The following TTC23L variants were observed in gnomAD, a reference collection of about 807,000 sequenced individuals.
TTC23L encodes tetratricopeptide repeat domain 23 like, also known as tetratricopeptide repeat protein 23-like.
Under a neutral mutation model 48.1 loss-of-function variants are expected in TTC23L, and 42 were observed. The ratio of observed to expected loss-of-function variants is 0.87; its 90% CI spans 0.68 to 1.13. The LOEUF is 1.13. Ranked by LOEUF, TTC23L falls within the 50% of genes most tolerant of loss-of-function variation. The pLI, the probability that TTC23L is intolerant of heterozygous loss-of-function variation, is 0.00. For synonymous variants in TTC23L, 159 were observed against 157.2 expected (o/e 1.01, Z -0.09); for missense variants, 391 against 421.0 (o/e 0.93, Z 0.62).
At chr5:34,856,526 A>T (rs1420129289) in intron 4 of TTC23L, among the ~76,000 whole-genome samples, 1 of 152,198 alleles carries the variant, frequency 6.6e-6, no homozygotes, top group African/African-American at 2.4e-5. Context: ...ATAAGCATGG[A>T]GGAATGTTTG....
intron 9 of TTC23L, among the ~76,000 whole-genome samples, chr5:34,896,540 C>G (rs1431295871): frequency 6.6e-6 from 1 of 152,124 alleles, no homozygotes; most frequent in African/African-American, 2.4e-5. Context: ...ATTTTTTGAG[C>G]ACCTACTAAG....
At chr5:34,897,182 C>T (rs914301831) in intron 10 of TTC23L, among the ~76,000 whole-genome samples, 8 of 151,958 alleles carry the variant, frequency 5.3e-5, no homozygotes, top group Non-Finnish European at 1.0e-4. Flanking sequence ...CTCAGGAGTT[C>T]GAGACCAGCC....
chr5:34,847,033 C>T (rs1025995750), intron 3 of TTC23L, among the ~76,000 whole-genome samples: 3 of 152,140 alleles, frequency 2.0e-5, no homozygotes, highest in Non-Finnish European at 2.9e-5. Context: ...ATTATTAGAA[C>T]ACAGGCACCA....
chr5:34,896,801 G>A (rs751346540), exon 10 of TTC23L: 1 of 760,602 alleles, frequency 1.3e-6, no homozygotes. Flanking sequence ...ATGGAGAAGA[G>A]AAGCCATTCC....
intron 9 of TTC23L, among the ~76,000 whole-genome samples, chr5:34,893,040 G>A (rs951001544): frequency 6.6e-6 from 1 of 152,106 alleles, no homozygotes; most frequent in Non-Finnish European, 1.5e-5. Context: ...AGTGGGGAGA[G>A]CAGTTAGGAG....
At chr5:34,862,235 T>C (rs1760723109) in intron 4 of TTC23L, among the ~76,000 whole-genome samples, 1 of 152,184 alleles carries the variant, frequency 6.6e-6, no homozygotes, top group Non-Finnish European at 1.5e-5. Flanking sequence ...GTTTGGGGCC[T>C]CCCTGCATTT....
At chr5:34,888,874 G>T (rs1311347712) in intron 9 of TTC23L, among the ~76,000 whole-genome samples, 1 of 152,206 alleles carries the variant, frequency 6.6e-6, no homozygotes, top group Non-Finnish European at 1.5e-5. Context: ...GAAAGTAAAT[G>T]AGTACCTTAA....
At position 34,863,012 on chromosome 5, in the gene TTC23L, A is replaced by C; in HGVS notation, c.494A>C (p.Lys165Thr). The C allele has an allele frequency of 6.2e-7, 1 of 1,614,036 alleles. No individual in the cohort carries two copies. Among genetic ancestry groups the C allele is most frequent in the Non-Finnish European group, 8.5e-7 (1 of 1,179,894 alleles). Residue 165 changes from lysine (K) to threonine (T), a missense_variant, in exon 5 of 11, where the codon AAG (lysine) becomes ACG (threonine). By Grantham distance (78) the Lys-to-Thr change is moderately conservative. Transcript: ENST00000505624. The surrounding 1 kb of genome is among the most constrained non-coding windows in gnomAD (Gnocchi z 4.1). ...GAGGAAATCCTGGAAGCTCTGGTCA[A>C]GCTGTACTACACTCTGGGCGTGGCC...
chr5:34,857,447 A>T (rs1425490431), intron 4 of TTC23L, among the ~76,000 whole-genome samples: 1 of 152,208 alleles, frequency 6.6e-6, no homozygotes, highest in Non-Finnish European at 1.5e-5. Flanking sequence ...TAAAACAAAG[A>T]CACAAAAACT....
intron 9 of TTC23L, among the ~76,000 whole-genome samples, chr5:34,893,094 A>G (rs1762976262): frequency 6.6e-6 from 1 of 152,192 alleles, no homozygotes; most frequent in Admixed American, 6.6e-5. Context: ...ACCCTTAATT[A>G]TCTAAAGCCG....
chr5:34,906,612 C>G, the TTC23L span: 2 of 151,970 alleles, frequency 1.3e-5, no homozygotes, highest in African/African-American at 4.8e-5. Flanking sequence ...GTACTCCAGC[C>G]TGGGCAACAG....
intron 1 of TTC23L, among the ~76,000 whole-genome samples, chr5:34,840,265 C>T (rs1354948099): frequency 7.6e-6 from 1 of 131,034 alleles, no homozygotes; most frequent in Non-Finnish European, 1.5e-5. Flanking sequence ...CAGAATTAAC[C>T]AATACACTGG....
intron 8 of TTC23L, 123 bp from the exon 9 acceptor site, chr5:34,880,058 A>T: frequency 8.2e-7 from 1 of 1,224,056 alleles, no homozygotes; most frequent in East Asian, 2.4e-5. Context: ...AAGAGTCCTT[A>T]TGAGACCTGG....
the TTC23L span, chr5:34,915,480 G>A: frequency 7.3e-6 from 3 of 409,366 alleles, no homozygotes; most frequent in South Asian, 3.9e-5. Flanking sequence ...GGAGCGAGGC[G>A]GCTCCGAGGA....
intron 9 of TTC23L, among the ~76,000 whole-genome samples, chr5:34,885,902 A>C (rs2111734647): frequency 6.6e-6 from 1 of 152,312 alleles, no homozygotes; most frequent in Non-Finnish European, 1.5e-5. Flanking sequence ...GCAAAATTGT[A>C]GCAATGTGTG....
the TTC23L span, chr5:34,918,507 T>A: frequency 8.1e-7 from 1 of 1,240,246 alleles, no homozygotes; most frequent in African/African-American, 1.6e-5. Flanking sequence ...TAGAAATTTC[T>A]ATCTATAAAC....
chr5:34,909,281 A>G, the TTC23L span: 8 of 1,610,508 alleles, frequency 5.0e-6, no homozygotes, highest in African/African-American at 1.1e-4. Context: ...TCTGATTACA[A>G]TGAAATGCTT....
rs764576572 is a variant in TTC23L at position 34,873,074 on chromosome 5, AG to A, written c.949+4062del. 9.3e-3 allele frequency among the ~76,000 whole-genome samples: 1,417 copies of A among 151,944 alleles called. 12 individuals carry two copies. The highest frequency in any genetic ancestry group is 0.016 in the Non-Finnish European group (1,112 of 67,902). On this transcript the variant is annotated intron_variant, in intron 8 of 10. Transcript: ENST00000505624. Reference sequence around the variant, plus strand: ...GGAGACTCCGTCTCAAGAAAAGAAAAGAAAAAAAAAAAAGGACCGGACTATA... The same window carrying A: ...GGAGACTCCGTCTCAAGAAAAGAAAAAAAAAAAAAAAAGGACCGGACTATA...
the TTC23L span, chr5:34,919,758 C>T: frequency 2.2e-6 from 1 of 445,184 alleles, no homozygotes; most frequent in South Asian, 4.5e-5. Flanking sequence ...ACTTTATTTT[C>T]TGGATAGCAT....
Sources: gnomAD v4.1 joint callset for allele counts (sites outside exome capture counted in the v4.1 genomes callset) on GRCh38, gnomAD v4.1.1 for gene constraint, Gnocchi (gnomAD v3.1) non-coding constraint, MANE v1.5 for transcripts, NCBI Gene and HGNC (gene_info 2026-07-23, HGNC 2026-07-21) for gene names.